SYNJ2: variants seen among roughly 807,000 people sequenced by gnomAD.
SYNJ2 encodes polyphosphatidylinositol phosphatase SYNJ2.
SYNJ2 carries 116 observed loss-of-function variants against 141.3 expected under a neutral mutation model. That is an observed-to-expected ratio of 0.82 (90% CI 0.71 to 0.96). SYNJ2 has a LOEUF of 0.96. Ranked by LOEUF, SYNJ2 falls within the 40% of genes least tolerant of loss-of-function variation. The pLI, the probability that SYNJ2 is intolerant of heterozygous loss-of-function variation, is 0.00. For synonymous variants in SYNJ2, 745 were observed against 777.7 expected, an observed-to-expected ratio of 0.96 and a Z score of 0.70; for missense variants, 1,873 against 1,934.8, an observed-to-expected ratio of 0.97 and a Z score of 0.60.
intron 12 of SYNJ2, chr6:158,067,376 A>G (rs1781634085): frequency 1.0e-6 from 1 of 959,470 alleles, no homozygotes; most frequent in African/African-American, 1.8e-5. Context: ...CCCCAAACCA[A>G]CTCTATTAAT....
In SYNJ2 at chr6:158,063,841, C is replaced by A. The variant is rs1781383965; in HGVS notation, c.1178C>A (p.Thr393Asn). The A allele has an allele frequency of 1.2e-6, 2 of 1,613,738 alleles. No individual in the cohort carries two copies. The highest frequency in any genetic ancestry group is 1.7e-6 in the Non-Finnish European group (2 of 1,179,866). ...AACTGTCTTGACTGCCTGGACCGAA[C>A]CAACACTGTGCAGAGCTTCATCGCG... Reference protein sequence around the residue: ...RMNCLDCLDRTNTVQSFIALE... With the variant: ...RMNCLDCLDRNNTVQSFIALE... Residue 393 changes from threonine to asparagine, a missense_variant, in exon 9 of 27, where the codon ACC (threonine) becomes AAC (asparagine). Coordinates refer to ENST00000355585, the MANE Select transcript of SYNJ2 (RefSeq NM_003898.4).
At chr6:158,083,750 G>T (rs1273502063) in intron 21 of SYNJ2, among the ~76,000 whole-genome samples, 153 bp downstream of exon 21, 1 of 152,198 alleles carries the variant, frequency 6.6e-6, no homozygotes, top group East Asian at 1.9e-4. Flanking sequence ...GTTTGTATGT[G>T]TGGACGATGC....
chr6:158,051,312 T>C (rs1780551831), intron 5 of SYNJ2, among the ~76,000 whole-genome samples: 3 of 152,052 alleles, frequency 2.0e-5, no homozygotes, highest in South Asian at 4.2e-4. Flanking sequence ...GCCCCTCTCT[T>C]GGGTTTTAGC....
intron 2 of SYNJ2, among the ~76,000 whole-genome samples, chr6:158,023,278 A>G (rs1323689076): frequency 6.6e-6 from 1 of 151,860 alleles, no homozygotes; most frequent in African/African-American, 2.4e-5. Context: ...AAAAAAAAAA[A>G]AAGCAAACAA....
intron 8 of SYNJ2, 84 bp from the exon 9 acceptor site, chr6:158,063,707 A>C: frequency 1.1e-6 from 1 of 915,886 alleles, no homozygotes; most frequent in East Asian, 2.8e-5. Context: ...CTTGGGAGTC[A>C]AAAGTCAGAC....
chr6:158,021,953 G>A (rs536241724), intron 2 of SYNJ2, among the ~76,000 whole-genome samples: 7 of 152,180 alleles, frequency 4.6e-5, no homozygotes, highest in Non-Finnish European at 8.8e-5. Flanking sequence ...GGTTCCCAGC[G>A]TGGAGCTGAG....
At position 158,027,641 on chromosome 6, in the gene SYNJ2, TGAC is replaced by T. The variant is rs1433823394; in HGVS notation, c.215-1109_215-1107del. 6.6e-6 allele frequency: 1 copy of T among 152,238 alleles called. No homozygotes were observed. The highest frequency in any genetic ancestry group is 1.5e-5 in the Non-Finnish European group (1 of 68,126). The allele number at this position is 152,238 out of a possible 1,614,324, so 9.4% of individuals were successfully genotyped here. On this transcript the variant is annotated intron_variant, in intron 2 of 26. Coordinates refer to ENST00000355585, the MANE Select transcript of SYNJ2 (RefSeq NM_003898.4). This position sits in a 1 kb window ranked among gnomAD's most constrained non-coding sequence, Gnocchi z 4.6. ...ACCGAGTGTGTGTGGTGCTGGGAGATGACGACGAAATGGCCCTGCCCCCAAGGA... is the reference window on the plus strand; with the variant it reads ...ACCGAGTGTGTGTGGTGCTGGGAGATGACGAAATGGCCCTGCCCCCAAGGA...
intron 1 of SYNJ2, among the ~76,000 whole-genome samples, chr6:158,004,173 G>T (rs902077746): frequency 6.6e-6 from 1 of 152,112 alleles, no homozygotes; most frequent in African/African-American, 2.4e-5. Context: ...GAACCAGAGC[G>T]ACTCCATCTT....
In SYNJ2 at chr6:157,997,631, CT is replaced by C. The variant is rs539915239; in HGVS notation, c.127+15544del. 9.2e-5 allele frequency among the ~76,000 whole-genome samples: 14 copies of C among 152,324 alleles called. No homozygotes were observed. In the South Asian group the frequency reaches 2.9e-3, roughly 32 times the overall value. ...TTGCTGTTGTTTCAAGCCCCCCGTT[CT>C]GTGGTTCTTTGTTACAGCAACCCAG... On this transcript the variant is annotated intron_variant, in intron 1 of 26. Transcript: ENST00000355585.
chr6:158,028,527 G>C lies in SYNJ2; in HGVS notation c.215-229G>C, dbSNP rs529122631. 3.4e-5 allele frequency: 20 copies of C among 584,424 alleles called. No individual in the cohort carries two copies. The African/African-American group carries it at 3.5e-4, about 10-fold the overall frequency. The allele number at this position is 584,424 out of a possible 1,614,324, so 36.2% of individuals were successfully genotyped here. Reference sequence around the variant, plus strand: ...TCTGCATGTCTAACAGGCTCCCAGGGGATGCTGACTTGCTGGCCAGGGTCC... The same window carrying C: ...TCTGCATGTCTAACAGGCTCCCAGGCGATGCTGACTTGCTGGCCAGGGTCC... On this transcript the variant is annotated intron_variant, in intron 2 of 26. Coordinates refer to ENST00000355585, the MANE Select transcript of SYNJ2 (RefSeq NM_003898.4).
rs751616283 is a variant in SYNJ2, at chr6:158,066,603, C to T, written c.1685C>T (p.Ser562Leu). The T allele has an allele frequency of 6.2e-6, 10 of 1,613,764 alleles. No homozygotes were observed. The highest frequency in any genetic ancestry group is 2.7e-5 in the African/African-American group (2 of 74,920). The change falls in exon 12 of 27, where the codon TCG becomes TTG. Residue 562 changes from serine to leucine, a missense_variant. Ser to Leu is a moderately radical substitution (Grantham distance 145, BLOSUM62 -2). Transcript: ENST00000355585. ...TAELTDWLLD[S>L]PQLSGATDSQ... ...GAGCTGACAGACTGGCTGCTCGACTCGCCCCAGCTCTCGGGAGCTACCGAC... is the reference window on the plus strand; with the variant it reads ...GAGCTGACAGACTGGCTGCTCGACTTGCCCCAGCTCTCGGGAGCTACCGAC...
chr6:158,020,217 TGC>T (rs1168824130), intron 2 of SYNJ2, among the ~76,000 whole-genome samples: 6 of 82,726 alleles, frequency 7.3e-5, no homozygotes, highest in Non-Finnish European at 1.3e-4. Flanking sequence ...GACCCCCACC[TGC>T]GTGACTCTGA....
At chr6:158,026,731 T>C (rs958210094) in intron 2 of SYNJ2, 9 of 645,844 alleles carry the variant, frequency 1.4e-5, no homozygotes, top group African/African-American at 7.9e-5. Context: ...AGTGATGTCA[T>C]GCAAAATTTT....
chr6:158,054,459 A>G (rs186286695), intron 5 of SYNJ2, among the ~76,000 whole-genome samples: 89 of 152,342 alleles, frequency 5.8e-4, no homozygotes, highest in African/African-American at 2.1e-3. Context: ...TCCAGCAACA[A>G]TATGTATTTT....
intron 5 of SYNJ2, among the ~76,000 whole-genome samples, chr6:158,049,537 A>G (rs911917169): frequency 6.6e-6 from 1 of 152,144 alleles, no homozygotes; most frequent in Non-Finnish European, 1.5e-5. Flanking sequence ...TTGCCTTTCC[A>G]CCTGCCTAAA....
intron 1 of SYNJ2, among the ~76,000 whole-genome samples, chr6:157,999,466 C>T (rs1001240687): frequency 3.3e-5 from 5 of 152,218 alleles, no homozygotes; most frequent in African/African-American, 1.2e-4. Flanking sequence ...CTGAGCCAGC[C>T]CTATGGGCTT....
rs758367538 is a variant in SYNJ2, at chr6:158,071,629, G to A, written c.1968G>A (p.Thr656=). The A allele has an allele frequency of 1.8e-5, 29 of 1,613,946 alleles. No individual in the cohort carries two copies. The highest frequency in any genetic ancestry group is 3.3e-4 in the Middle Eastern group (2 of 6,084). The change falls in exon 15 of 27, where the codon ACG becomes ACA. Residue 656 remains threonine, a synonymous_variant. Coordinates refer to ENST00000355585, the MANE Select transcript of SYNJ2 (RefSeq NM_003898.4). The surrounding 1 kb of genome is among the most constrained non-coding windows in gnomAD (Gnocchi z 4.3). ...IRDVAIDTVK[T]GMGGKAGNKG... is the part of the protein sequence containing the mutation. ...ACGTAGCCATCGACACAGTGAAGAC[G>A]GGCATGGGGGGCAAGGCGGGGAACA...
At position 158,036,300 on chromosome 6, in the gene SYNJ2, T is replaced by C. The variant is rs557177144; in HGVS notation, c.711+2620T>C. 1.2e-4 allele frequency among the ~76,000 whole-genome samples: 18 copies of C among 152,298 alleles called. No individual in the cohort carries two copies. The South Asian group carries it at 3.1e-3, about 26-fold the overall frequency. On this transcript the variant is annotated intron_variant, in intron 4 of 26. Coordinates refer to ENST00000355585, the MANE Select transcript of SYNJ2 (RefSeq NM_003898.4). Reference sequence around the variant, plus strand: ...GTGGGAGTGTAAATTAGTTCCACCATTGTGGAGAACAATGTGGTGATTCCT... The same window carrying C: ...GTGGGAGTGTAAATTAGTTCCACCACTGTGGAGAACAATGTGGTGATTCCT...
At chr6:158,080,007 A>G (rs1583485438) in intron 18 of SYNJ2, among the ~76,000 whole-genome samples, 1 of 152,192 alleles carries the variant, frequency 6.6e-6, no homozygotes, top group East Asian at 1.9e-4. Flanking sequence ...TTTTCGTAAT[A>G]TAGGATTTTC....
Sources: gnomAD v4.1 joint callset for allele counts (sites outside exome capture counted in the v4.1 genomes callset) on GRCh38, gnomAD v4.1.1 for gene constraint, Gnocchi (gnomAD v3.1) non-coding constraint, MANE v1.5 for transcripts, NCBI Gene and HGNC (gene_info 2026-07-23, HGNC 2026-07-21) for gene names.